Variants in MCPH1 observed in about 807,000 individuals in gnomAD.
The protein encoded by MCPH1 is microcephalin 1, also known as microcephalin.
A neutral mutation model predicts 84.5 loss-of-function variants in MCPH1; 104 were observed. The observed-to-expected ratio is 1.23, with a 90% CI of 1.05 to 1.45. MCPH1 has a LOEUF of 1.45. Among genes scored for constraint, MCPH1 ranks in the 40% most tolerant of loss-of-function variants. The pLI is 0.00. For synonymous variants in MCPH1, 514 were observed against 366.8 expected (o/e 1.40, Z -4.58); for missense variants, 1,498 against 1,005.7 (o/e 1.49, Z -6.62).
chr8:6,621,090 C>G (rs2936532), intron 12 of MCPH1: 1 of 344,914 alleles, frequency 2.9e-6, no homozygotes, highest in African/African-American at 2.1e-5. Context: ...AGAATCTTGC[C>G]GTCACTTGCA....
chr8:6,581,130 C>T (rs755541562), intron 12 of MCPH1, among the ~76,000 whole-genome samples: 2 of 152,202 alleles, frequency 1.3e-5, no homozygotes, highest in Non-Finnish European at 2.9e-5. Flanking sequence ...AAGACTTGAG[C>T]ATCCATGGAT....
intron 12 of MCPH1, among the ~76,000 whole-genome samples, chr8:6,588,424 T>C (rs537576590): frequency 1.3e-5 from 2 of 152,208 alleles, no homozygotes; most frequent in African/African-American, 4.8e-5. Flanking sequence ...AAATGTACTT[T>C]ATGATTGCGA....
chr8:6,478,945 A>G lies in MCPH1; in HGVS notation c.1973+1314A>G, dbSNP rs143768023. Among the ~76,000 whole-genome samples the G allele has an allele frequency of 3.7e-3, 556 of 152,274 alleles. 2 individuals are homozygous for G. Among genetic ancestry groups the G allele is most frequent in the African/African-American group, 0.011 (474 of 41,552 alleles). ...TACAGATAAAGAAACAGGTTTTGAG[A>G]TGGACATACCTAAGATCACTAGAGA... On this transcript the variant is annotated intron_variant, in intron 10 of 13. Transcript: ENST00000344683.
chr8:6,582,870 G>A (rs1239799354), intron 12 of MCPH1, among the ~76,000 whole-genome samples: 2 of 152,156 alleles, frequency 1.3e-5, no homozygotes, highest in Non-Finnish European at 2.9e-5. Flanking sequence ...CCCCACAAGT[G>A]TCGCAGCTTT....
At chr8:6,592,641 T>TTTTTTTTTTTTTTTTTTG (rs1238168977) in intron 12 of MCPH1, among the ~76,000 whole-genome samples, 3 of 107,506 alleles carry the variant, frequency 2.8e-5, no homozygotes, top group East Asian at 3.4e-4. Flanking sequence ...TTTTTTTTTT[T>TTTTTTTTTTTTTTTTTTG]TTGTTGCTGT....
At chr8:6,554,948 A>C (rs1375340372) in intron 12 of MCPH1, among the ~76,000 whole-genome samples, 1 of 152,198 alleles carries the variant, frequency 6.6e-6, no homozygotes, top group Non-Finnish European at 1.5e-5. Flanking sequence ...TTCATGGAGA[A>C]ATATCTAATT....
At chr8:6,589,110 TC>T (rs1374326979) in intron 12 of MCPH1, among the ~76,000 whole-genome samples, 1 of 152,250 alleles carries the variant, frequency 6.6e-6, no homozygotes, top group East Asian at 1.9e-4. Flanking sequence ...CAAGAGTTTT[TC>T]TGGAACATCC....
chr8:6,544,807 C>T (rs1474951592), intron 12 of MCPH1, among the ~76,000 whole-genome samples: 3 of 152,192 alleles, frequency 2.0e-5, no homozygotes, highest in East Asian at 1.9e-4. Context: ...GAATCTATAA[C>T]ATCTGCTGAA....
intron 12 of MCPH1, among the ~76,000 whole-genome samples, chr8:6,509,512 T>A (rs1437996419): frequency 4.6e-5 from 7 of 152,198 alleles, no homozygotes; most frequent in Admixed American, 1.3e-4. Context: ...GAATGGCCAC[T>A]GAGTTTGGGG....
At chr8:6,581,567 T>C (rs1827568544) in intron 12 of MCPH1, among the ~76,000 whole-genome samples, 2 of 152,250 alleles carry the variant, frequency 1.3e-5, no homozygotes, top group Admixed American at 1.3e-4. Context: ...CTGACATTTT[T>C]ACAATACTAG....
chr8:6,516,544 A>G (rs10102851), intron 12 of MCPH1, among the ~76,000 whole-genome samples: 16,697 of 152,270 alleles, frequency 0.11, 1,896 homozygotes, highest in African/African-American at 0.28. Context: ...AAATCAGTTC[A>G]TGAATAATAC....
chr8:6,574,544 A>C (rs1452882821), intron 12 of MCPH1, among the ~76,000 whole-genome samples: 3 of 152,248 alleles, frequency 2.0e-5, no homozygotes, highest in Admixed American at 6.5e-5. Flanking sequence ...TACGATGTTT[A>C]AAGATGAAAG....
chr8:6,556,468 C>T (rs574465672), intron 12 of MCPH1, among the ~76,000 whole-genome samples: 5 of 151,456 alleles, frequency 3.3e-5, no homozygotes, highest in African/African-American at 9.7e-5. Flanking sequence ...CACAGTCCCT[C>T]ACACGCCTGA....
At chr8:6,591,423 C>G (rs1029906497) in intron 12 of MCPH1, among the ~76,000 whole-genome samples, 34 of 152,210 alleles carry the variant, frequency 2.2e-4, no homozygotes, top group African/African-American at 8.0e-4. Flanking sequence ...TGATTTCTCA[C>G]TGCTGGCCCG....
intron 12 of MCPH1, among the ~76,000 whole-genome samples, chr8:6,606,012 A>G (rs1039798950): frequency 5.3e-5 from 8 of 152,220 alleles, no homozygotes; most frequent in African/African-American, 1.9e-4. Context: ...AAAAATTTTT[A>G]AAGCCAATTT....
chr8:6,448,163 T>C (rs1461991994), intron 8 of MCPH1, among the ~76,000 whole-genome samples: 1 of 152,098 alleles, frequency 6.6e-6, no homozygotes, highest in Non-Finnish European at 1.5e-5. Flanking sequence ...CAGTTAATGA[T>C]AAAAAGAAAA....
intron 11 of MCPH1, among the ~76,000 whole-genome samples, chr8:6,488,147 A>G (rs1326742814): frequency 6.6e-6 from 1 of 152,246 alleles, no homozygotes; most frequent in Non-Finnish European, 1.5e-5. Context: ...AGGCTCCTGC[A>G]GGCTGCGGCA....
At chr8:6,612,382 G>A (rs1283649740) in intron 12 of MCPH1, among the ~76,000 whole-genome samples, 1 of 152,150 alleles carries the variant, frequency 6.6e-6, no homozygotes, top group African/African-American at 2.4e-5. Context: ...CCCAGCTGGA[G>A]AGTTGTTCTG....
intron 2 of MCPH1, among the ~76,000 whole-genome samples, chr8:6,412,374 C>A (rs1026171995): frequency 1.3e-5 from 2 of 152,208 alleles, no homozygotes; most frequent in African/African-American, 4.8e-5. Context: ...TCTTTTAGAA[C>A]TTTTTGGTTT....
Sources: allele counts gnomAD v4.1 joint callset (sites outside exome capture counted in the v4.1 genomes callset), GRCh38; gene constraint gnomAD v4.1.1; transcripts MANE v1.5; gene names NCBI Gene and HGNC (gene_info 2026-07-23, HGNC 2026-07-21).